Variants in EDF1 observed in about 807,000 individuals in gnomAD.
EDF1 encodes endothelial differentiation-related factor 1.
Under a neutral mutation model 20.8 loss-of-function variants are expected in EDF1, and 5 were observed. The ratio of observed to expected loss-of-function variants is 0.24; its 90% CI spans 0.13 to 0.51. The LOEUF is 0.51. EDF1 is among the 20% of genes least tolerant of loss of function. EDF1 has a pLI of 0.97. For missense variants in EDF1, 137 were observed against 197.8 expected, an observed-to-expected ratio of 0.69 and a Z score of 1.84; for synonymous variants, 96 against 78.5, an observed-to-expected ratio of 1.22 and a Z score of -1.18.
In EDF1 at chr9:136,862,602, C is replaced by T. The variant is rs1328241129; in HGVS notation, c.386-257G>A. 3 of 1,542,930 alleles carry T rather than the reference C, an allele frequency of 1.9e-6. No individual in the cohort carries two copies. The highest frequency in any genetic ancestry group is 2.6e-6 in the Non-Finnish European group (3 of 1,151,398). On this transcript the variant is annotated intron_variant, in intron 4 of 4. Transcript: ENST00000224073. The surrounding 1 kb of genome is among the most constrained non-coding windows in gnomAD (Gnocchi z 4.1). ...CCTCTGTGGAACTGGCTTCCGGCCC[C>T]ATGCTGACAGGGCCCGGACCCGCTG...
chr9:136,864,055 C>T (rs763183137), intron 1 of EDF1, among the ~76,000 whole-genome samples, 184 bp from the exon 2 acceptor site: 2 of 152,078 alleles, frequency 1.3e-5, no homozygotes, highest in African/African-American at 2.4e-5. Context: ...GCCTGTAATC[C>T]CAGCACTTTG....
In EDF1 at chr9:136,862,314, C is replaced by T. The variant is rs1184788845; in HGVS notation, c.417G>A (p.Lys139=). The change falls in exon 5 of 5, where the codon AAG becomes AAA. Residue 139 remains lysine, a synonymous_variant. Transcript: ENST00000224073. The surrounding 1 kb of genome is among the most constrained non-coding windows in gnomAD (Gnocchi z 4.1). ...TCGCCCTAGGCCCCTTCTCGATGGGCTTTCCAATGTCCTTTCCCCGGAGCT... is the reference window on the plus strand; with the variant it reads ...TCGCCCTAGGCCCCTTCTCGATGGGTTTTCCAATGTCCTTTCCCCGGAGCT... ...GLKLRGKDIG[K]PIEKGPRAK The T allele has an allele frequency of 6.2e-7, 1 of 1,614,054 alleles. No individual in the cohort carries two copies.
Position 136,862,832 on chromosome 9 carries a change from C to T in EDF1, c.385+74G>A, listed in dbSNP as rs1405622599. 3.1e-6 allele frequency: 5 copies of T among 1,611,516 alleles called. No homozygotes were observed. Among genetic ancestry groups the T allele is most frequent in the South Asian group, 1.1e-5 (1 of 91,000 alleles). On this transcript the variant is annotated intron_variant, in intron 4 of 4. Coordinates refer to ENST00000224073, the MANE Select transcript of EDF1 (RefSeq NM_003792.4). This position sits in a 1 kb window ranked among gnomAD's most constrained non-coding sequence, Gnocchi z 4.1. ...GGCCATCTTCTTCCCCCGAGTCCCA[C>T]TCTCACCAACCCCAGCTGGGAGCGG...
At chr9:136,864,869 T>G (rs1369582127) in intron 1 of EDF1, among the ~76,000 whole-genome samples, 4 of 152,294 alleles carry the variant, frequency 2.6e-5, no homozygotes, top group Admixed American at 2.0e-4. Context: ...ATGATCCACC[T>G]GCCTTGGCCT....
At position 136,863,706 on chromosome 9, in the gene EDF1, T is replaced by TG; in HGVS notation, c.130+113dup. The TG allele has an allele frequency of 7.4e-7, 1 of 1,354,928 alleles. No individual in the cohort carries two copies. The highest frequency in any genetic ancestry group is 1.2e-5 in the South Asian group (1 of 81,392). 83.9% of individuals were successfully genotyped at this position (1,354,928 alleles called of 1,614,324 possible). The stretch of plus-strand genomic sequence containing the variant: ...CTCCCAGGGCTCCGGCCAGCACCGG[T>TG]GCAGGCAGGCACTCAGCTGACAACG... On this transcript the variant is annotated intron_variant, in intron 2 of 4. Coordinates refer to ENST00000224073, the MANE Select transcript of EDF1 (RefSeq NM_003792.4). The surrounding 1 kb of genome is among the most constrained non-coding windows in gnomAD (Gnocchi z 4.5).
chr9:136,863,223 G>C lies in EDF1; in HGVS notation c.291+65C>G. On this transcript the variant is annotated intron_variant, in intron 3 of 4. Transcript: ENST00000224073. The surrounding 1 kb of genome is among the most constrained non-coding windows in gnomAD (Gnocchi z 4.5). ...GGAGCCCACCCTCCCCGTGCTATCT[G>C]AACACCGGCCATCCCCCTCCCCAAA... is the stretch of plus-strand genomic sequence containing the variant. 3 of 1,575,878 alleles carry C rather than the reference G, an allele frequency of 1.9e-6. No homozygotes were observed. Among genetic ancestry groups the C allele is most frequent in the Admixed American group, 3.4e-5 (2 of 58,800 alleles).
At position 136,863,405 on chromosome 9, in the gene EDF1, C is replaced by G. The variant is rs1267181402; in HGVS notation, c.174G>C (p.Thr58=). Residue 58 remains threonine (T), a synonymous_variant, in exon 3 of 5, where the codon ACG becomes ACC. Transcript: ENST00000224073. The surrounding 1 kb of genome is among the most constrained non-coding windows in gnomAD (Gnocchi z 4.5). ...CCTCTGTCTCCCGGTCCAGCTTGGC[C>G]GTGTTCTTGGTAATAGAATGTTGTT... The part of the protein sequence containing the change: ...QNKQHSITKN[T]AKLDRETEEL... The G allele has an allele frequency of 1.2e-6, 2 of 1,614,002 alleles. No homozygotes were observed. Among genetic ancestry groups the G allele is most frequent in the Admixed American group, 1.7e-5 (1 of 59,998 alleles).
chr9:136,866,274 G>A lies in EDF1; in HGVS notation c.-16C>T. On this transcript the variant is annotated 5_prime_UTR_variant, in exon 1 of 5. Transcript: ENST00000224073. ...TCTCGGCCATGGCGGGCGAAGACGA[G>A]CGTCCGTCCGGCGGCTCAGCGGCAG... is the stretch of plus-strand genomic sequence containing the variant. 2 of 1,592,970 alleles carry A rather than the reference G, an allele frequency of 1.3e-6. No individual in the cohort carries two copies. Among genetic ancestry groups the A allele is most frequent in the Non-Finnish European group, 1.7e-6 (2 of 1,173,480 alleles).
rs1319472196 is a variant in EDF1 at position 136,863,749 on chromosome 9, C to A, written c.130+71G>T. On this transcript the variant is annotated intron_variant, in intron 2 of 4. Coordinates refer to ENST00000224073, the MANE Select transcript of EDF1 (RefSeq NM_003792.4). The surrounding 1 kb of genome is among the most constrained non-coding windows in gnomAD (Gnocchi z 4.5). ...TGACAACGTCCCCGGGGGCGCCGCA[C>A]ACACCACACCCACCAGCACATGGAC... is the stretch of plus-strand genomic sequence containing the variant. The A allele has an allele frequency of 6.3e-7, 1 of 1,581,554 alleles. No individual in the cohort carries two copies. Among genetic ancestry groups the A allele is most frequent in the Non-Finnish European group, 8.7e-7 (1 of 1,152,150 alleles).
At position 136,862,568 on chromosome 9, in the gene EDF1, A is replaced by T. The variant is rs1214708839; in HGVS notation, c.386-223T>A. The T allele has an allele frequency of 6.4e-7, 1 of 1,573,918 alleles. No homozygotes were observed. The highest frequency in any genetic ancestry group is 8.6e-7 in the Non-Finnish European group (1 of 1,167,026). On this transcript the variant is annotated intron_variant, in intron 4 of 4. Coordinates refer to ENST00000224073, the MANE Select transcript of EDF1 (RefSeq NM_003792.4). The surrounding 1 kb of genome is among the most constrained non-coding windows in gnomAD (Gnocchi z 4.1). Reference sequence around the variant, plus strand: ...GAACACCCCTCTCCGGAAGAACCGGAGCCGGGGTCCTCTGTGGAACTGGCT... The same window carrying T: ...GAACACCCCTCTCCGGAAGAACCGGTGCCGGGGTCCTCTGTGGAACTGGCT...
At chr9:136,865,915 C>T (rs1849212976) in intron 1 of EDF1, among the ~76,000 whole-genome samples, 1 of 150,668 alleles carries the variant, frequency 6.6e-6, no homozygotes, top group Non-Finnish European at 1.5e-5. Context: ...CCTCCAGTCG[C>T]CCGCCCCCTG....
Position 136,863,222 on chromosome 9 carries a change from T to C in EDF1, c.291+66A>G. 6.3e-7 allele frequency: 1 copy of C among 1,575,280 alleles called. No homozygotes were observed. The highest frequency in any genetic ancestry group is 1.1e-5 in the South Asian group (1 of 87,442). ...TGGAGCCCACCCTCCCCGTGCTATCTGAACACCGGCCATCCCCCTCCCCAA... is the reference window on the plus strand; with the variant it reads ...TGGAGCCCACCCTCCCCGTGCTATCCGAACACCGGCCATCCCCCTCCCCAA... On this transcript the variant is annotated intron_variant, in intron 3 of 4. Transcript: ENST00000224073. This position sits in a 1 kb window ranked among gnomAD's most constrained non-coding sequence, Gnocchi z 4.5.
At position 136,862,392 on chromosome 9, in the gene EDF1, TCCC is replaced by T. The variant is rs1157808699; in HGVS notation, c.386-50_386-48del. 1.2e-5 allele frequency: 20 copies of T among 1,613,252 alleles called. No homozygotes were observed. Among genetic ancestry groups the T allele is most frequent in the East Asian group, 4.5e-5 (2 of 44,852 alleles). ...GGCCACTGCAGCACCAGCTCCCTCC[TCCC>T]CCCAACGCTGCCCCTCTTCAACATC... is the stretch of plus-strand genomic sequence containing the variant. On this transcript the variant is annotated intron_variant, in intron 4 of 4. Coordinates refer to ENST00000224073, the MANE Select transcript of EDF1 (RefSeq NM_003792.4). This position sits in a 1 kb window ranked among gnomAD's most constrained non-coding sequence, Gnocchi z 4.1.
rs1215010845 is a variant in EDF1 at position 136,862,375 on chromosome 9, C to T, written c.386-30G>A. ...AATGAGCCACAGCCACTGGCCACTGCAGCACCAGCTCCCTCCTCCCCCCAA... is the reference window on the plus strand; with the variant it reads ...AATGAGCCACAGCCACTGGCCACTGTAGCACCAGCTCCCTCCTCCCCCCAA... On this transcript the variant is annotated intron_variant, in intron 4 of 4. Coordinates refer to ENST00000224073, the MANE Select transcript of EDF1 (RefSeq NM_003792.4). The surrounding 1 kb of genome is among the most constrained non-coding windows in gnomAD (Gnocchi z 4.1). 2 of 1,614,042 alleles carry T rather than the reference C, an allele frequency of 1.2e-6. No individual in the cohort carries two copies. The highest frequency in any genetic ancestry group is 2.2e-5 in the South Asian group (2 of 91,088).
At position 136,862,973 on chromosome 9, in the gene EDF1, G is replaced by T; in HGVS notation, c.318C>A (p.Ile106=). Residue 106 remains isoleucine (I), a synonymous_variant, in exon 4 of 5, where the codon ATC becomes ATA. Coordinates refer to ENST00000224073, the MANE Select transcript of EDF1 (RefSeq NM_003792.4). This position sits in a 1 kb window ranked among gnomAD's most constrained non-coding sequence, Gnocchi z 4.1. ...TGGCCCGTCCGCTCTCATAGTCCGC[G>T]ATCACCTGTGGCTTCTCATTGATTT... ...ATKINEKPQV[I]ADYESGRAIP... 1 of 1,614,036 alleles carries T rather than the reference G, an allele frequency of 6.2e-7. No individual in the cohort carries two copies. The highest frequency in any genetic ancestry group is 8.5e-7 in the Non-Finnish European group (1 of 1,180,028).
In EDF1 at chr9:136,862,694, G is replaced by A. The variant is rs1025629354; in HGVS notation, c.385+212C>T. 2.1e-5 allele frequency: 31 copies of A among 1,499,290 alleles called. No homozygotes were observed. Among genetic ancestry groups the A allele is most frequent in the African/African-American group, 4.2e-5 (3 of 71,842 alleles). 92.9% of individuals were successfully genotyped at this position (1,499,290 alleles called of 1,614,324 possible). On this transcript the variant is annotated intron_variant, in intron 4 of 4. Transcript: ENST00000224073. This position sits in a 1 kb window ranked among gnomAD's most constrained non-coding sequence, Gnocchi z 4.1. ...GGGAACTGGCAAGGGGAAGGGACTC[G>A]GACTCCACTTGCTCTTAGGGGTTTC...
Position 136,866,260 on chromosome 9 carries a change from G to A in EDF1, c.-2C>T. The A allele has an allele frequency of 1.3e-6, 2 of 1,595,982 alleles. No individual in the cohort carries two copies. Among genetic ancestry groups the A allele is most frequent in the South Asian group, 1.1e-5 (1 of 88,894 alleles). On this transcript the variant is annotated 5_prime_UTR_variant, in exon 1 of 5. Coordinates refer to ENST00000224073, the MANE Select transcript of EDF1 (RefSeq NM_003792.4). ...CGTGTCCCAGTCGCTCTCGGCCATG[G>A]CGGGCGAAGACGAGCGTCCGTCCGG...
At chr9:136,865,806 C>T (rs1453760035) in intron 1 of EDF1, among the ~76,000 whole-genome samples, 1 of 150,466 alleles carries the variant, frequency 6.6e-6, no homozygotes, top group East Asian at 2.0e-4. Context: ...CCTGTCCCCA[C>T]CAACAGTCCC....
chr9:136,866,201 C>A lies in EDF1; in HGVS notation c.58G>T (p.Ala20Ser). 6.2e-7 allele frequency: 1 copy of A among 1,601,204 alleles called. No homozygotes were observed. Among genetic ancestry groups the A allele is most frequent in the African/African-American group, 1.4e-5 (1 of 72,836 alleles). Residue 20 changes from alanine (A) to serine (S), a missense_variant, in exon 1 of 5, where the codon GCC becomes TCC. Physicochemically the swap from Ala to Ser is moderately conservative, Grantham distance 99. Transcript: ENST00000224073. ...AGCACCTGCTTGGATTTGGCCTGGGCGGCCGTAGGGCCCTTCTTGCGCAGC... is the reference window on the plus strand; with the variant it reads ...AGCACCTGCTTGGATTTGGCCTGGGAGGCCGTAGGGCCCTTCTTGCGCAGC... ...TVLRKKGPTA[A>S]QAKSKQAILA...
Sources: gnomAD v4.1 joint callset for allele counts (sites outside exome capture counted in the v4.1 genomes callset) on GRCh38, gnomAD v4.1.1 for gene constraint, Gnocchi (gnomAD v3.1) non-coding constraint, MANE v1.5 for transcripts, NCBI Gene and HGNC (gene_info 2026-07-23, HGNC 2026-07-21) for gene names.